The following LRIG2 variants were observed in gnomAD, a reference collection of about 807,000 sequenced individuals.
The protein encoded by LRIG2 is leucine rich repeats and immunoglobulin like domains 2.
A neutral mutation model predicts 107.8 loss-of-function variants in LRIG2; 93 were observed. The observed-to-expected ratio is 0.86, with a 90% CI of 0.73 to 1.03. The LOEUF (loss-of-function observed/expected upper bound fraction) is 1.03. Among genes scored for constraint, LRIG2 ranks in the 50% least tolerant of loss-of-function variants. LRIG2 has a pLI of 0.00. For synonymous variants in LRIG2, 471 were observed against 470.6 expected, an observed-to-expected ratio of 1.00 and a Z score of -0.01; for missense variants, 1,226 against 1,296.0, an observed-to-expected ratio of 0.95 and a Z score of 0.83.
At chr1:113,099,244 C>CTT (rs984786053) in intron 9 of LRIG2, among the ~76,000 whole-genome samples, 7 of 117,944 alleles carry the variant, frequency 5.9e-5, no homozygotes, top group Non-Finnish European at 1.2e-4. Flanking sequence ...TGGTTTTTTT[C>CTT]TTTTTTTTTT....
At position 113,116,484 on chromosome 1, in the gene LRIG2, G is replaced by A. The variant is rs769020930; in HGVS notation, c.2680+48G>A. Reference sequence around the variant, plus strand: ...TTACAATTTCAGCCTATTCTATTGAGTTTACTTTTCAGTGTGTAGTTTCTC... The same window carrying A: ...TTACAATTTCAGCCTATTCTATTGAATTTACTTTTCAGTGTGTAGTTTCTC... On this transcript the variant is annotated intron_variant, in intron 16 of 17. Coordinates refer to ENST00000361127, the MANE Select transcript of LRIG2 (RefSeq NM_014813.3). The A allele has an allele frequency of 5.3e-6, 8 of 1,506,372 alleles. No individual in the cohort carries two copies. The Admixed American group carries it at 7.9e-5, about 15-fold the overall frequency. 93.3% of individuals were successfully genotyped at this position (1,506,372 alleles called of 1,614,324 possible).
chr1:113,091,449 G>A (rs1381921282), intron 2 of LRIG2, 66 bp downstream of exon 2: 27 of 1,065,340 alleles, frequency 2.5e-5, no homozygotes, highest in South Asian at 2.0e-4. Context: ...ATTGTGATTT[G>A]TGGGATGTTT....
intron 11 of LRIG2, among the ~76,000 whole-genome samples, chr1:113,102,981 T>C (rs959487809): frequency 7.1e-6 from 1 of 141,032 alleles, no homozygotes; most frequent in Non-Finnish European, 1.5e-5. Flanking sequence ...TGTGACTTAC[T>C]ACAAATTAGT....
rs1402306325 is a variant in LRIG2, at chr1:113,131,744, T to A, written c.*7643T>A. On this transcript the variant is annotated 3_prime_UTR_variant, in exon 18 of 18. Transcript: ENST00000361127. ...TAAGAGATATGTTACAAGCTGCACT[T>A]AACACCACCTGAAAACCCAAGAATC... 1 of 151,982 alleles carries A rather than the reference T, an allele frequency of 6.6e-6. No homozygotes were observed. The highest frequency in any genetic ancestry group is 1.5e-5 in the Non-Finnish European group (1 of 68,028). The allele number at this position is 151,982 out of a possible 1,614,324, so 9.4% of individuals were successfully genotyped here. A position where few individuals can be genotyped will look rare whatever the true frequency, so the allele number is the denominator to read the frequency against.
chr1:113,079,346 TAAAAAA>T (rs141538883), intron 1 of LRIG2, among the ~76,000 whole-genome samples: 1 of 123,160 alleles, frequency 8.1e-6, no homozygotes, highest in Non-Finnish European at 1.7e-5. Context: ...AGATCCTATT[TAAAAAA>T]AAAAAAAAAA....
intron 17 of LRIG2, among the ~76,000 whole-genome samples, chr1:113,120,604 G>A (rs895723186): frequency 3.4e-5 from 5 of 148,616 alleles, no homozygotes; most frequent in African/African-American, 7.4e-5. Context: ...TCCGCCTCCC[G>A]GGTTCAAGCA....
In LRIG2 at chr1:113,119,421, C is replaced by T. The variant is rs774297613; in HGVS notation, c.2869C>T (p.Leu957=). The T allele has an allele frequency of 1.9e-6, 3 of 1,614,096 alleles. No individual in the cohort carries two copies. The highest frequency in any genetic ancestry group is 3.3e-5 in the Admixed American group (2 of 59,998). The change falls in exon 17 of 18, where the codon CTA becomes TTA. Residue 957 remains leucine (L), a synonymous_variant. Transcript: ENST00000361127. ...ACATCCTCCCCAGGATACTACTGCC[C>T]TAGAGAGCCTGATACCGTCAGCCAA... ...LVHPPQDTTA[L]ESLIPSANRE... is the part of the protein sequence containing the mutation.
intron 12 of LRIG2, among the ~76,000 whole-genome samples, chr1:113,109,609 C>A (rs373906850): frequency 2.6e-5 from 4 of 152,118 alleles, no homozygotes; most frequent in Admixed American, 6.6e-5. Flanking sequence ...ACCTCTACCC[C>A]CCGGGTTCAA....
chr1:113,112,562 C>T lies in LRIG2; in HGVS notation c.1882C>T (p.His628Tyr). Residue 628 changes from histidine to tyrosine, a missense_variant, in exon 14 of 18, where the codon CAC (histidine) becomes TAC (tyrosine). Physicochemically the swap from His to Tyr is moderately conservative, Grantham distance 83 (BLOSUM62 2). Around this residue, in one of 3 missense-constraint regions of LRIG2, gnomAD observed 642 missense variants for 712.2 expected, o/e 0.90. Coordinates refer to ENST00000361127, the MANE Select transcript of LRIG2 (RefSeq NM_014813.3). ...CAGATTAGAATGTGCTGCAGAGGGA[C>T]ACCCTGCACCTCAGATTTCCTGGCA... ...MARLECAAEGHPAPQISWQKD... is the reference protein window; with the variant it reads ...MARLECAAEGYPAPQISWQKD... The T allele has an allele frequency of 6.2e-7, 1 of 1,614,198 alleles. No individual in the cohort carries two copies.
At position 113,073,540 on chromosome 1, in the gene LRIG2, C is replaced by T. The variant is rs1557891381; in HGVS notation, c.134C>T (p.Ala45Val). Residue 45 changes from alanine (A) to valine (V), a missense_variant, in exon 1 of 18, where the codon GCG (alanine) becomes GTG (valine). By Grantham distance (64) the Ala-to-Val change is moderately conservative. Coordinates refer to ENST00000361127, the MANE Select transcript of LRIG2 (RefSeq NM_014813.3). ...GCCGCCGGAGCAGGTCTCTGCCCCG[C>T]GCCCTGCTCCTGCCGCATTCCTCTC... The part of the protein sequence containing the change: ...LPAAGAGLCP[A>V]PCSCRIPLLD... 2.5e-6 allele frequency: 4 copies of T among 1,614,136 alleles called. No individual in the cohort carries two copies. The highest frequency in any genetic ancestry group is 3.4e-6 in the Non-Finnish European group (4 of 1,180,000).
intron 10 of LRIG2, 28 bp downstream of exon 10, chr1:113,100,310 C>T: frequency 1.3e-6 from 2 of 1,550,850 alleles, no homozygotes; most frequent in Middle Eastern, 1.7e-4. Flanking sequence ...ATTTTGCTTA[C>T]TCTATAAATA....
chr1:113,107,091 T>C (rs897114582), intron 11 of LRIG2, among the ~76,000 whole-genome samples: 5 of 152,158 alleles, frequency 3.3e-5, no homozygotes, highest in African/African-American at 7.2e-5. Context: ...TATATATACA[T>C]ATATGCACAG....
Position 113,107,586 on chromosome 1 carries a change from T to C in LRIG2, c.1314-8T>C, listed in dbSNP as rs1654591287. On this transcript the variant is annotated splice_polypyrimidine_tract_variant and splice_region_variant and intron_variant, in intron 11 of 17. Coordinates refer to ENST00000361127, the MANE Select transcript of LRIG2 (RefSeq NM_014813.3). Reference sequence around the variant, plus strand: ...CAAAGGATGCTTTTCCTCTTTTCTTTCCTGCAGGATTCTGAACACAAGCAG... The same window carrying C: ...CAAAGGATGCTTTTCCTCTTTTCTTCCCTGCAGGATTCTGAACACAAGCAG... 1.2e-6 allele frequency: 2 copies of C among 1,602,534 alleles called. No individual in the cohort carries two copies. The highest frequency in any genetic ancestry group is 1.1e-5 in the South Asian group (1 of 88,214).
rs1557919330 is a variant in LRIG2 at position 113,116,383 on chromosome 1, G to C, written c.2627G>C (p.Ser876Thr). The C allele has an allele frequency of 1.2e-6, 2 of 1,613,964 alleles. No homozygotes were observed. Among genetic ancestry groups the C allele is most frequent in the Non-Finnish European group, 1.7e-6 (2 of 1,179,900 alleles). Residue 876 changes from serine (S) to threonine (T), a missense_variant, in exon 16 of 18, where the codon AGT (serine) becomes ACT (threonine). Transcript: ENST00000361127. Reference protein sequence around the residue: ...QEGYSNSEAGSHQQLMPPANG... With the variant: ...QEGYSNSEAGTHQQLMPPANG... Reference sequence around the variant, plus strand: ...GGCTACAGCAACTCTGAGGCAGGCAGTCATCAGCAACTTATGCCTCCTGCC... The same window carrying C: ...GGCTACAGCAACTCTGAGGCAGGCACTCATCAGCAACTTATGCCTCCTGCC...
chr1:113,124,862 T>TA lies in LRIG2; in HGVS notation c.*766dup, dbSNP rs1319597490. ...TTAAATAACTCAATTTAGTGAGATC[T>TA]AAAAATTTTATTTAAAGTATAAAAA... is the stretch of plus-strand genomic sequence containing the variant. On this transcript the variant is annotated 3_prime_UTR_variant, in exon 18 of 18. Transcript: ENST00000361127. The TA allele has an allele frequency of 6.6e-6, 1 of 152,182 alleles. No homozygotes were observed. Among genetic ancestry groups the TA allele is most frequent in the Non-Finnish European group, 1.5e-5 (1 of 68,038 alleles). 9.4% of individuals were successfully genotyped at this position (152,182 alleles called of 1,614,324 possible).
Position 113,084,202 on chromosome 1 carries a change from T to G in LRIG2, c.240-7116T>G, listed in dbSNP as rs1027522916. Among the ~76,000 whole-genome samples the G allele has an allele frequency of 2.3e-5, 3 of 132,726 alleles. No homozygotes were observed. In the East Asian group the frequency reaches 7.2e-4, roughly 32 times the overall value. The allele number at this position is 132,726 out of a possible 152,430, so 87.1% of individuals were successfully genotyped here. The stretch of plus-strand genomic sequence containing the variant: ...GAATGTTAGTTGAGGAAATCTGTGC[T>G]TTACTTAATTCTTTTTTTTTTTTTT... On this transcript the variant is annotated intron_variant, in intron 1 of 17. Coordinates refer to ENST00000361127, the MANE Select transcript of LRIG2 (RefSeq NM_014813.3).
intron 14 of LRIG2, 91 bp downstream of exon 14, chr1:113,112,851 T>G: frequency 8.3e-7 from 1 of 1,205,474 alleles, no homozygotes; most frequent in Non-Finnish European, 1.2e-6. Flanking sequence ...AGTTTGAGAT[T>G]ACCTCTGTGA....
rs1328617634 is a variant in LRIG2, at chr1:113,132,152, T to C, written c.*8051T>C. ...ATTGTTCAGTGTAGTCATTTCTTAG[T>C]ATCTGTTTATATTTTGTCACACATC... On this transcript the variant is annotated 3_prime_UTR_variant, in exon 18 of 18. Coordinates refer to ENST00000361127, the MANE Select transcript of LRIG2 (RefSeq NM_014813.3). 6.6e-6 allele frequency: 1 copy of C among 152,086 alleles called. No homozygotes were observed. The highest frequency in any genetic ancestry group is 1.5e-5 in the Non-Finnish European group (1 of 68,014). The allele number at this position is 152,086 out of a possible 1,614,324, so 9.4% of individuals were successfully genotyped here.
chr1:113,111,935 G>A (rs1557915372), intron 13 of LRIG2, among the ~76,000 whole-genome samples: 1 of 152,038 alleles, frequency 6.6e-6, no homozygotes, highest in Non-Finnish European at 1.5e-5. Flanking sequence ...AGCCTCCCAG[G>A]GAAGCATCAT....
Sources: allele counts gnomAD v4.1 joint callset (sites outside exome capture counted in the v4.1 genomes callset), GRCh38; gene constraint gnomAD v4.1.1; regional missense constraint gnomAD v4.1.1; transcripts MANE v1.5; gene names NCBI Gene and HGNC (gene_info 2026-07-23, HGNC 2026-07-21).